The following SOX5 variants were observed in gnomAD, a reference collection of about 807,000 sequenced individuals.
SOX5 encodes SRY-box transcription factor 5.
SOX5 carries 9 observed loss-of-function variants against 92.0 expected under a neutral mutation model. The observed-to-expected ratio is 0.10, with a 90% CI of 0.06 to 0.17. The LOEUF is 0.17. Ranked by LOEUF, SOX5 falls within the 10% of genes least tolerant of loss-of-function variation. The pLI is 1.00. For missense variants in SOX5, 642 were observed against 944.5 expected, an observed-to-expected ratio of 0.68 and a Z score of 4.20; for synonymous variants, 344 against 336.3, an observed-to-expected ratio of 1.02 and a Z score of -0.25.
At chr12:23,591,877 A>C (rs928248322) in intron 9 of SOX5, among the ~76,000 whole-genome samples, 6 of 152,216 alleles carry the variant, frequency 3.9e-5, no homozygotes, top group Admixed American at 3.3e-4. Context: ...GCTACTGGAA[A>C]TACCACAAGA....
At chr12:24,521,996 A>G (rs561040713) in intron 1 of SOX5, among the ~76,000 whole-genome samples, 1 of 152,058 alleles carries the variant, frequency 6.6e-6, no homozygotes, top group South Asian at 2.1e-4. Context: ...AAAAATCAGC[A>G]AAAGAGCTGA....
At chr12:23,581,259 G>A (rs964665761) in intron 9 of SOX5, among the ~76,000 whole-genome samples, 5 of 151,930 alleles carry the variant, frequency 3.3e-5, no homozygotes, top group African/African-American at 7.3e-5. Flanking sequence ...ATTTGTTTCT[G>A]TTTCTCTATT....
At chr12:23,904,296 A>C (rs2097267762) in intron 1 of SOX5, among the ~76,000 whole-genome samples, 1 of 151,870 alleles carries the variant, frequency 6.6e-6, no homozygotes, top group Admixed American at 6.6e-5. Flanking sequence ...GAACATGCCA[A>C]TCTCCATACT....
At chr12:23,650,898 GGAA>G (rs1024787211) in intron 7 of SOX5, among the ~76,000 whole-genome samples, 3 of 152,054 alleles carry the variant, frequency 2.0e-5, no homozygotes, top group African/African-American at 7.2e-5. Flanking sequence ...TAGAACGATT[GGAA>G]GAAGGAGAGA....
intron 3 of SOX5, among the ~76,000 whole-genome samples, chr12:23,809,597 T>C (rs990422815): frequency 2.8e-5 from 4 of 142,372 alleles, no homozygotes; most frequent in Non-Finnish European, 6.1e-5. Flanking sequence ...ATCTATTTAG[T>C]TTTTGAAACA....
intron 4 of SOX5, among the ~76,000 whole-genome samples, chr12:24,038,291 A>G (rs1372373244): frequency 1.3e-5 from 2 of 152,152 alleles, no homozygotes; most frequent in Non-Finnish European, 2.9e-5. Context: ...CTGGCCCTGC[A>G]AACTCATCCC....
At chr12:23,841,647 AGCCATGGAAGAACCTTAAATTACTAAGT>A (rs2096517544) in intron 3 of SOX5, among the ~76,000 whole-genome samples, 1 of 152,158 alleles carries the variant, frequency 6.6e-6, no homozygotes, top group African/African-American at 2.4e-5. Flanking sequence ...AGCTATAAAC[AGCCATGGAAGAACCTTAAATTACTAAGT>A]GACAGAGCCA....
intron 4 of SOX5, among the ~76,000 whole-genome samples, chr12:23,983,717 C>G (rs1157384699): frequency 6.6e-6 from 1 of 152,002 alleles, no homozygotes; most frequent in Non-Finnish European, 1.5e-5. Flanking sequence ...AATGTTATTG[C>G]AGAAAGGAGA....
intron 4 of SOX5, among the ~76,000 whole-genome samples, chr12:24,032,920 T>C (rs1177150109): frequency 1.3e-5 from 2 of 151,948 alleles, no homozygotes; most frequent in African/African-American, 2.4e-5. Context: ...TTTGTAACAC[T>C]TGGACTTTTT....
At chr12:23,855,726 T>C (rs2096680117) in intron 2 of SOX5, among the ~76,000 whole-genome samples, 1 of 152,080 alleles carries the variant, frequency 6.6e-6, no homozygotes, top group Admixed American at 6.6e-5. Flanking sequence ...TTTTTGCTAT[T>C]TCTCTCTGCT....
intron 4 of SOX5, among the ~76,000 whole-genome samples, chr12:24,001,888 C>T (rs1951644932): frequency 6.6e-6 from 1 of 152,050 alleles, no homozygotes; most frequent in South Asian, 2.1e-4. Context: ...CACTGGAGCC[C>T]ATGAGTTCAA....
intron 4 of SOX5, among the ~76,000 whole-genome samples, chr12:24,004,307 TCAAAAAAAAAAACA>T (rs1951918694): frequency 5.9e-5 from 1 of 16,810 alleles, no homozygotes; most frequent in Non-Finnish European, 4.8e-4. Flanking sequence ...CTTTTGTTTC[TCAAAAAAAAAAACA>T]CAAGCATATG....
intron 3 of SOX5, among the ~76,000 whole-genome samples, chr12:23,844,293 G>C (rs2096551311): frequency 6.6e-6 from 1 of 152,184 alleles, no homozygotes; most frequent in Admixed American, 6.5e-5. Flanking sequence ...TGGTTTTACT[G>C]AATGTGTATT....
At chr12:24,139,057 G>A (rs1950344633) in intron 4 of SOX5, among the ~76,000 whole-genome samples, 2 of 152,286 alleles carry the variant, frequency 1.3e-5, no homozygotes, top group African/African-American at 2.4e-5. Flanking sequence ...CTGCTCAGCT[G>A]CAACTGTTCC....
chr12:23,880,796 C>A (rs924028396), intron 2 of SOX5, among the ~76,000 whole-genome samples: 2 of 152,034 alleles, frequency 1.3e-5, no homozygotes, highest in African/African-American at 4.8e-5. Flanking sequence ...TTACGGAAAG[C>A]AAAGAAATGA....
chr12:24,364,511 CATATATAT>C lies in SOX5; in HGVS notation c.-174+4044_-174+4051del, dbSNP rs58135899. Among the ~76,000 whole-genome samples, 639 of 110,518 alleles carry C rather than the reference CATATATAT, an allele frequency of 5.8e-3. 7 individuals carry two copies. Among genetic ancestry groups the C allele is most frequent in the East Asian group, 0.022 (79 of 3,596 alleles). The allele number at this position is 110,518 out of a possible 152,430, so 72.5% of individuals were successfully genotyped here. A position where few individuals can be genotyped will look rare whatever the true frequency, so the allele number is the denominator to read the frequency against. ...AAAACTGAACAACTTAACATTTTTT[CATATATAT>C]ATATATATATATATATATATATATA... On this transcript the variant is annotated intron_variant, in intron 2 of 4. Coordinates refer to the SOX5 transcript ENST00000446891.
At chr12:24,008,102 G>C (rs1952518070) in intron 4 of SOX5, among the ~76,000 whole-genome samples, 1 of 151,976 alleles carries the variant, frequency 6.6e-6, no homozygotes, top group African/African-American at 2.4e-5. Context: ...AAGAGACTAA[G>C]ATTGCTATTT....
chr12:24,237,616 A>T (rs1239572009), intron 3 of SOX5, among the ~76,000 whole-genome samples: 1 of 151,982 alleles, frequency 6.6e-6, no homozygotes, highest in African/African-American at 2.4e-5. Flanking sequence ...GCAACCTGAT[A>T]AGGAAAAAGG....
intron 4 of SOX5, among the ~76,000 whole-genome samples, chr12:24,023,792 G>T (rs1275360636): frequency 1.3e-5 from 2 of 151,942 alleles, no homozygotes; most frequent in Non-Finnish European, 2.9e-5. Flanking sequence ...TGTGCTGCAG[G>T]TATCTGTTTA....
Sources: gnomAD v4.1 joint callset for allele counts (sites outside exome capture counted in the v4.1 genomes callset) on GRCh38, gnomAD v4.1.1 for gene constraint, MANE v1.5 for transcripts, NCBI Gene and HGNC (gene_info 2026-07-23, HGNC 2026-07-21) for gene names.